SHF: variants seen among roughly 807,000 people sequenced by gnomAD.
The protein encoded by SHF is Src homology 2 domain containing F.
SHF carries 30 observed loss-of-function variants against 42.4 expected under a neutral mutation model. The observed-to-expected ratio is 0.71, with a 90% CI of 0.53 to 0.96. SHF has a LOEUF of 0.96. Among genes scored for constraint, SHF ranks in the 40% least tolerant of loss-of-function variants. The pLI, the probability that SHF is intolerant of heterozygous loss-of-function variation, is 0.00. For missense variants in SHF, 598 were observed against 634.0 expected (o/e 0.94, Z 0.61); for synonymous variants, 264 against 269.9 (o/e 0.98, Z 0.21).
At chr15:45,197,533 G>A (rs1003840018) in intron 2 of SHF, among the ~76,000 whole-genome samples, 1 of 152,186 alleles carries the variant, frequency 6.6e-6, no homozygotes, top group Non-Finnish European at 1.5e-5. Context: ...AATTCAAGAT[G>A]CTTCCCTGCC....
chr15:45,183,077 C>T (rs1451567396), intron 1 of SHF, among the ~76,000 whole-genome samples: 2 of 152,170 alleles, frequency 1.3e-5, no homozygotes, highest in African/African-American at 4.8e-5. Context: ...CAGTACAGAA[C>T]ACACCCCTCA....
intron 2 of SHF, among the ~76,000 whole-genome samples, chr15:45,194,513 A>T (rs760115371): frequency 3.3e-5 from 5 of 151,766 alleles, no homozygotes; most frequent in Non-Finnish European, 7.4e-5. Context: ...CACCACACCC[A>T]GCTAATTTTT....
At chr15:45,185,617 G>A (rs1298005208) in intron 1 of SHF, among the ~76,000 whole-genome samples, 1 of 152,212 alleles carries the variant, frequency 6.6e-6, no homozygotes, top group African/African-American at 2.4e-5. Context: ...TCCTGTCCCT[G>A]TAGCTGACAA....
intron 1 of SHF, among the ~76,000 whole-genome samples, chr15:45,182,370 A>G (rs1232193712): frequency 6.6e-6 from 1 of 152,226 alleles, no homozygotes; most frequent in African/African-American, 2.4e-5. Flanking sequence ...AAAGGATGGT[A>G]ATAGTACCCA....
upstream of SHF, among the ~76,000 whole-genome samples, chr15:45,190,490 G>A (rs1567041529): frequency 6.6e-6 from 1 of 152,158 alleles, no homozygotes; most frequent in African/African-American, 2.4e-5. Context: ...GATAATCATT[G>A]TGTGAGGATT....
intron 2 of SHF, among the ~76,000 whole-genome samples, chr15:45,176,144 A>AT (rs1241677231): frequency 2.6e-5 from 4 of 152,126 alleles, no homozygotes; most frequent in Admixed American, 2.6e-4. Context: ...TTTGACAATC[A>AT]CAGAATTATT....
chr15:45,182,863 T>C (rs1052428227), intron 1 of SHF, among the ~76,000 whole-genome samples: 13 of 152,242 alleles, frequency 8.5e-5, no homozygotes, highest in Admixed American at 7.8e-4. Flanking sequence ...GTCCTTCTCC[T>C]ATTTTATCTG....
intron 2 of SHF, among the ~76,000 whole-genome samples, chr15:45,176,461 C>G (rs147282370): frequency 1.2e-4 from 18 of 151,728 alleles, no homozygotes; most frequent in African/African-American, 4.4e-4. Flanking sequence ...ATCCTCCCCA[C>G]GGACCCGGCA....
chr15:45,192,858 C>T (rs748163686), upstream of SHF, among the ~76,000 whole-genome samples: 5 of 152,166 alleles, frequency 3.3e-5, no homozygotes, highest in Non-Finnish European at 5.9e-5. Context: ...ATAGTTTCTT[C>T]ATGATTAGAT....
chr15:45,199,953 C>CAAAAAAAAAAAA (rs56982094), intron 1 of SHF: 3 of 59,520 alleles, frequency 5.0e-5, no homozygotes, highest in African/African-American at 1.7e-4. Flanking sequence ...GGCTCCATCT[C>CAAAAAAAAAAAA]AAAAAAAAAA....
intron 6 of SHF, 176 bp downstream of exon 6, chr15:45,171,707 T>C: frequency 1.5e-6 from 1 of 657,524 alleles, no homozygotes; most frequent in Non-Finnish European, 2.6e-6. Context: ...TTTCTCCCAA[T>C]GGACTCTGAG....
chr15:45,198,607 G>A (rs548952625), intron 2 of SHF: 16 of 762,086 alleles, frequency 2.1e-5, no homozygotes, highest in African/African-American at 1.4e-4. Flanking sequence ...TTCCCACAAT[G>A]CCGTGACTCG....
chr15:45,175,802 TTTTTTC>T (rs1897768925), intron 2 of SHF, among the ~76,000 whole-genome samples: 1 of 143,082 alleles, frequency 7.0e-6, no homozygotes, highest in African/African-American at 2.6e-5. Flanking sequence ...ATATCATTCC[TTTTTTC>T]TTTTTCTTTT....
At chr15:45,183,856 G>A (rs1295083718) in intron 1 of SHF, among the ~76,000 whole-genome samples, 1 of 152,234 alleles carries the variant, frequency 6.6e-6, no homozygotes, top group Non-Finnish European at 1.5e-5. Context: ...AGTAGCTGCA[G>A]GCCTCAGCCA....
chr15:45,174,618 T>C (rs990814430), intron 3 of SHF, among the ~76,000 whole-genome samples: 9 of 152,172 alleles, frequency 5.9e-5, no homozygotes, highest in Non-Finnish European at 1.2e-4. Flanking sequence ...TACTCCAGGC[T>C]CTTGCTCCAC....
chr15:45,192,429 G>A (rs1233579167), upstream of SHF, among the ~76,000 whole-genome samples: 1 of 139,958 alleles, frequency 7.1e-6, no homozygotes, highest in Non-Finnish European at 1.5e-5. Context: ...GTGCAGTGGT[G>A]CAATCTGGGC....
chr15:45,187,837 G>C lies in SHF; in HGVS notation c.115C>G (p.Pro39Ala). ...RRGAGGAGAG[P>A]GGGGSGGVAK... ...ACTCCGCCGCTGCCGCCCCCTCCTG[G>C]GCCGGCTCCCGCACCCCCGGCGCCC... Residue 39 changes from proline to alanine, a missense_variant, in exon 1 of 7, where the codon CCA becomes GCA. Pro to Ala is a conservative substitution (Grantham distance 27, BLOSUM62 -1). This residue lies in a region of SHF where 159 missense variants were observed against 109.3 expected (regional missense o/e 1.45). Coordinates refer to ENST00000690270, the MANE Select transcript of SHF (RefSeq NM_001394037.1). 1.0e-6 allele frequency: 1 copy of C among 994,736 alleles called. No individual in the cohort carries two copies. Among genetic ancestry groups the C allele is most frequent in the Non-Finnish European group, 1.3e-6 (1 of 783,098 alleles). 61.6% of individuals were successfully genotyped at this position (994,736 alleles called of 1,614,324 possible).
chr15:45,187,489 C>A lies in SHF; in HGVS notation c.463G>T (p.Glu155Ter). 8.1e-7 allele frequency: 1 copy of A among 1,232,682 alleles called. No homozygotes were observed. The highest frequency in any genetic ancestry group is 4.1e-5 in the South Asian group (1 of 24,394). The allele number at this position is 1,232,682 out of a possible 1,614,324, so 76.4% of individuals were successfully genotyped here. The change falls in exon 1 of 7, where the codon GAG becomes TAG. Residue 155 changes from glutamate to a stop codon, truncating the protein, a stop_gained. Coordinates refer to ENST00000690270, the MANE Select transcript of SHF (RefSeq NM_001394037.1). LOFTEE classifies it high-confidence loss of function. ...CTGGCGGGGGGTCCGGAGATCCGCT[C>A]ATCAGCAGGCGGCGCCGGGGGCCCC... ...TPGPPAPPADERISGPPASSD... is the reference protein window; with the variant it reads ...TPGPPAPPAD
upstream of SHF, chr15:45,187,999 G>A: frequency 1.5e-6 from 1 of 661,670 alleles, no homozygotes; most frequent in Non-Finnish European, 2.0e-6. Context: ...GGTGGGGGGC[G>A]GGGGCGGGGG....
Sources: allele counts gnomAD v4.1 joint callset (sites outside exome capture counted in the v4.1 genomes callset), GRCh38; gene constraint gnomAD v4.1.1; regional missense constraint gnomAD v4.1.1; transcripts MANE v1.5; gene names NCBI Gene and HGNC (gene_info 2026-07-23, HGNC 2026-07-21).